Variants in ANXA8 observed in about 807,000 individuals in gnomAD.
The protein encoded by ANXA8 is annexin A8, also known as VAC-beta.
A neutral mutation model predicts 26.8 loss-of-function variants in ANXA8; 9 were observed. The ratio of observed to expected loss-of-function variants is 0.34; its 90% CI spans 0.20 to 0.59. The LOEUF (loss-of-function observed/expected upper bound fraction) is 0.59. Ranked by LOEUF, ANXA8 falls within the 20% of genes least tolerant of loss-of-function variation. The probability of loss-of-function intolerance (pLI) is 0.84; values close to 1 mark genes in which losing one functional copy is unlikely to be tolerated. For synonymous variants in ANXA8, 39 were observed against 94.8 expected, an observed-to-expected ratio of 0.41 and a Z score of 3.42; for missense variants, 83 against 238.5, an observed-to-expected ratio of 0.35 and a Z score of 4.29.
At chr10:47,971,178 C>T in the ANXA8 span, among the ~76,000 whole-genome samples, 106,612 of 149,584 alleles carry the variant, frequency 0.71, 37,769 homozygotes, top group Non-Finnish European at 0.8. Flanking sequence ...TTCTCAAATA[C>T]GGTCTATGGG....
chr10:47,658,318 G>A, the ANXA8 span, among the ~76,000 whole-genome samples: 7 of 151,284 alleles, frequency 4.6e-5, no homozygotes, highest in African/African-American at 7.4e-5. Context: ...CCCGGGAGAC[G>A]GAGGTTGCAG....
At chr10:47,733,275 CTTTCTTTCTTTCTTTCTTTCTTT>C in the ANXA8 span, among the ~76,000 whole-genome samples, 3 of 100,168 alleles carry the variant, frequency 3.0e-5, no homozygotes, top group Non-Finnish European at 3.9e-5. Context: ...TTCTTTCTTT[CTTTCTTTCTTTCTTTCTTTCTTT>C]TTTTTCTTTC....
At chr10:47,652,713 C>T in the ANXA8 span, among the ~76,000 whole-genome samples, 121,528 of 125,534 alleles carry the variant, frequency 0.97, 58,861 homozygotes, top group East Asian at 1. Context: ...GTGTCTTATG[C>T]TTGTCTTTGT....
At chr10:47,945,061 C>T in the ANXA8 span, among the ~76,000 whole-genome samples, 1 of 150,482 alleles carries the variant, frequency 6.6e-6, no homozygotes, top group African/African-American at 2.5e-5. Flanking sequence ...GAGTGGAGAG[C>T]TTCTATGTCA....
chr10:47,975,202 T>C, the ANXA8 span, among the ~76,000 whole-genome samples: 6 of 149,018 alleles, frequency 4.0e-5, no homozygotes, highest in African/African-American at 1.5e-4. Context: ...TCAGCACCAA[T>C]AGATTGGTGG....
At chr10:47,686,670 A>G in the ANXA8 span, among the ~76,000 whole-genome samples, 3 of 152,040 alleles carry the variant, frequency 2.0e-5, no homozygotes, top group Non-Finnish European at 2.9e-5. Context: ...AATCCAATAC[A>G]TATCTGTCTT....
chr10:47,764,000 G>A, the ANXA8 span, among the ~76,000 whole-genome samples: 1 of 151,948 alleles, frequency 6.6e-6, no homozygotes, highest in Non-Finnish European at 1.5e-5. Context: ...GTGAACTGGG[G>A]TGCCCCACTG....
At chr10:47,716,530 TG>T in the ANXA8 span, among the ~76,000 whole-genome samples, 2 of 124,480 alleles carry the variant, frequency 1.6e-5, no homozygotes, top group African/African-American at 3.5e-5. Flanking sequence ...CATAAAACTA[TG>T]CTAAGGAGAA....
At chr10:47,574,482 A>G in the ANXA8 span, among the ~76,000 whole-genome samples, 1 of 122,070 alleles carries the variant, frequency 8.2e-6, no homozygotes, top group Non-Finnish European at 1.7e-5. Flanking sequence ...AGTTGAAATA[A>G]TATAGAAAGT....
the ANXA8 span, among the ~76,000 whole-genome samples, chr10:47,749,696 AT>A: frequency 1.3e-4 from 20 of 151,426 alleles, no homozygotes; most frequent in Non-Finnish European, 2.8e-4. Flanking sequence ...AATTAAAAAA[AT>A]AATCAGAAAG....
chr10:47,560,676 C>T, the ANXA8 span, among the ~76,000 whole-genome samples: 1 of 152,064 alleles, frequency 6.6e-6, no homozygotes, highest in Non-Finnish European at 1.5e-5. Context: ...TAGCACCCCT[C>T]CATGCAAGCG....
the ANXA8 span, among the ~76,000 whole-genome samples, chr10:47,649,858 T>C: frequency 6.9e-6 from 1 of 145,974 alleles, no homozygotes; most frequent in Non-Finnish European, 1.5e-5. Context: ...GCCTTCTGAG[T>C]AGCTGGGACT....
At chr10:47,493,520 T>C in the ANXA8 span, among the ~76,000 whole-genome samples, 1 of 148,798 alleles carries the variant, frequency 6.7e-6, no homozygotes, top group Non-Finnish European at 1.5e-5. Context: ...GCTCCCCTGA[T>C]AAATGTCATC....
At chr10:47,685,927 G>A in the ANXA8 span, among the ~76,000 whole-genome samples, 139 of 148,734 alleles carry the variant, frequency 9.3e-4, 2 homozygotes, top group African/African-American at 3.2e-3. Flanking sequence ...AGTAAATGTC[G>A]TATATGCCTT....
chr10:47,940,868 T>C, the ANXA8 span, among the ~76,000 whole-genome samples: 1 of 139,378 alleles, frequency 7.2e-6, no homozygotes, highest in East Asian at 2.2e-4. Context: ...GACAGTATAT[T>C]GCAAATTAAG....
the ANXA8 span, among the ~76,000 whole-genome samples, chr10:47,692,973 G>A: frequency 1.3e-5 from 2 of 151,540 alleles, no homozygotes. Context: ...GTCCTCAGGT[G>A]ATCCGCCCAC....
chr10:47,918,431 A>AAGAGAG, the ANXA8 span, among the ~76,000 whole-genome samples: 23 of 31,104 alleles, frequency 7.4e-4, 3 homozygotes, highest in East Asian at 0.012. Flanking sequence ...GAAAGAAAGA[A>AAGAGAG]AGAGAGAGAG....
chr10:47,959,091 G>C, the ANXA8 span, among the ~76,000 whole-genome samples: 1 of 148,334 alleles, frequency 6.7e-6, no homozygotes, highest in African/African-American at 2.6e-5. Context: ...GCCTTCTGGA[G>C]AAGGAGGCAG....
At chr10:47,985,159 T>C in the ANXA8 span, among the ~76,000 whole-genome samples, 6 of 148,854 alleles carry the variant, frequency 4.0e-5, no homozygotes, top group Admixed American at 3.3e-4. Flanking sequence ...AATTGGGCAA[T>C]AGACATGAAG....
Sources: gnomAD v4.1 joint callset for allele counts (sites outside exome capture counted in the v4.1 genomes callset) on GRCh38, gnomAD v4.1.1 for gene constraint, MANE v1.5 for transcripts, NCBI Gene and HGNC (gene_info 2026-07-23, HGNC 2026-07-21) for gene names.